KNCN: variants seen among roughly 807,000 people sequenced by gnomAD.
KNCN encodes kinocilin.
Under a neutral mutation model 10.4 loss-of-function variants are expected in KNCN, and 11 were observed. That is an observed-to-expected ratio of 1.06 (90% CI 0.67 to 1.75). KNCN has a LOEUF of 1.75. Among genes scored for constraint, KNCN ranks in the 40% most tolerant of loss-of-function variants. The pLI, the probability that KNCN is intolerant of heterozygous loss-of-function variation, is 0.00. For synonymous variants in KNCN, 67 were observed against 71.6 expected, an observed-to-expected ratio of 0.94 and a Z score of 0.33; for missense variants, 172 against 167.1, an observed-to-expected ratio of 1.03 and a Z score of -0.16.
chr1:46,549,293 C>A, intron 2 of KNCN, 26 bp from the exon 3 acceptor site: 3 of 1,561,312 alleles, frequency 1.9e-6, no homozygotes, highest in Non-Finnish European at 2.6e-6. Flanking sequence ...ACCCCAAGCC[C>A]CCTGATTACT....
At position 46,550,013 on chromosome 1, in the gene KNCN, A is replaced by T. The variant is rs1213835324; in HGVS notation, c.152-11T>A. ...CCAAGATGAGGAGCCCTGAGAAGAG[A>T]CACAGGGGGTTCTGTGATGGGGAGG... is the stretch of plus-strand genomic sequence containing the variant. On this transcript the variant is annotated splice_polypyrimidine_tract_variant and intron_variant, in intron 1 of 3. Transcript: ENST00000481882. 6.4e-7 allele frequency: 1 copy of T among 1,550,552 alleles called. No individual in the cohort carries two copies. The highest frequency in any genetic ancestry group is 1.4e-5 in the African/African-American group (1 of 73,108).
At position 46,549,781 on chromosome 1, in the gene KNCN, A is replaced by AACAC. The variant is rs34076774; in HGVS notation, c.220+149_220+152dup. 7 of 1,361,446 alleles carry AACAC rather than the reference A, an allele frequency of 5.1e-6. No individual in the cohort carries two copies. In the African/African-American group the frequency reaches 5.8e-5, roughly 11 times the overall value. 84.3% of individuals were successfully genotyped at this position (1,361,446 alleles called of 1,614,324 possible). On this transcript the variant is annotated intron_variant, in intron 2 of 3. Coordinates refer to ENST00000481882, the MANE Select transcript of KNCN (RefSeq NM_001322255.2). ...TCTGTAGTCATGGCAACGCCTGCAC[A>AACAC]ACACACACACACACAGCAGCTCTAA...
In KNCN at chr1:46,547,739, C is replaced by A; in HGVS notation, c.366G>T (p.Glu122Asp). 6.7e-7 allele frequency: 1 copy of A among 1,494,394 alleles called. No individual in the cohort carries two copies. The allele number at this position is 1,494,394 out of a possible 1,614,324, so 92.6% of individuals were successfully genotyped here. ...EKLKPGTRGAEEC is the reference protein window; with the variant it reads ...EKLKPGTRGADEC ...CCGCTCAGACTTTGCCTCAGCATTC[C>A]TCAGCCCCCCGGGTCCCCGGCTTCA... The change falls in exon 4 of 4, where the codon GAG (glutamate) becomes GAT (aspartate). Residue 122 changes from glutamate to aspartate, a missense_variant. Physicochemically the swap from Glu to Asp is conservative, Grantham distance 45. Transcript: ENST00000481882.
rs539310426 is a variant in KNCN at position 46,547,631 on chromosome 1, C to T, written c.*99G>A. 385 of 940,996 alleles carry T rather than the reference C, an allele frequency of 4.1e-4. 1 individual carries two copies. The African/African-American group carries it at 5.3e-3, about 13-fold the overall frequency. The allele number at this position is 940,996 out of a possible 1,614,324, so 58.3% of individuals were successfully genotyped here. On this transcript the variant is annotated 3_prime_UTR_variant, in exon 4 of 4. Coordinates refer to ENST00000481882, the MANE Select transcript of KNCN (RefSeq NM_001322255.2). ...CCGCTCTGGGGTCTGCAGGGCCTGG[C>T]TTGTCTCCGGTCCGGGTCTCCTAAC...
intron 2 of KNCN, among the ~76,000 whole-genome samples, chr1:46,549,527 A>G (rs41294782): frequency 3.3e-5 from 5 of 152,004 alleles, no homozygotes; most frequent in African/African-American, 9.7e-5. Context: ...GCCCCATAGG[A>G]TTGGTGGAGA....
chr1:46,551,287 T>G lies in KNCN; in HGVS notation c.-72A>C. ...AGAAAAGTCCTGGAAGTTTCTGGGC[T>G]CTTGGATGTCTCCTTGTTGGCGCTC... On this transcript the variant is annotated 5_prime_UTR_variant, in exon 1 of 4. Transcript: ENST00000481882. The surrounding 1 kb of genome is among the most constrained non-coding windows in gnomAD (Gnocchi z 4.0). 4 of 1,517,620 alleles carry G rather than the reference T, an allele frequency of 2.6e-6. No individual in the cohort carries two copies. Among genetic ancestry groups the G allele is most frequent in the Non-Finnish European group, 3.5e-6 (4 of 1,127,624 alleles). The allele number at this position is 1,517,620 out of a possible 1,614,324, so 94.0% of individuals were successfully genotyped here. A position where few individuals can be genotyped will look rare whatever the true frequency, so the allele number is the denominator to read the frequency against.
chr1:46,547,920 G>C, intron 3 of KNCN, 111 bp from the exon 4 acceptor site: 1 of 691,708 alleles, frequency 1.4e-6, no homozygotes, highest in South Asian at 2.4e-5. Context: ...GTTGACCCCA[G>C]GGCAGAGCTG....
chr1:46,551,094 C>T lies in KNCN; in HGVS notation c.122G>A (p.Gly41Asp). The T allele has an allele frequency of 6.2e-7, 1 of 1,608,790 alleles. No individual in the cohort carries two copies. The highest frequency in any genetic ancestry group is 1.1e-5 in the South Asian group (1 of 90,310). The part of the protein sequence containing the change: ...ISVSKAAAAM[G>D]GVFIGAAVLG... ...AACAGCAGCGCCAATAAAGACACCG[C>T]CCATGGCAGCTGCAGCCTTGGATAC... is the stretch of plus-strand genomic sequence containing the variant. The change falls in exon 1 of 4, where the codon GGC becomes GAC. Residue 41 changes from glycine to aspartate, a missense_variant. Physicochemically the swap from Gly to Asp is moderately conservative, Grantham distance 94. Transcript: ENST00000481882. This position sits in a 1 kb window ranked among gnomAD's most constrained non-coding sequence, Gnocchi z 4.0.
chr1:46,547,440 G>A lies in KNCN; in HGVS notation c.*290C>T, dbSNP rs1224857729. 3.1e-6 allele frequency: 2 copies of A among 647,298 alleles called. No homozygotes were observed. The highest frequency in any genetic ancestry group is 4.2e-5 in the Admixed American group (2 of 48,052). 40.1% of individuals were successfully genotyped at this position (647,298 alleles called of 1,614,324 possible). ...TAGATTGAACAGGCAACAAAGCTGA[G>A]CTGCAGTCCAGAAAGAAAGGCCAGG... On this transcript the variant is annotated 3_prime_UTR_variant, in exon 4 of 4. Transcript: ENST00000481882.
intron 3 of KNCN, among the ~76,000 whole-genome samples, chr1:46,548,491 C>T (rs1666993168): frequency 6.6e-6 from 1 of 152,164 alleles, no homozygotes; most frequent in Admixed American, 6.5e-5. Flanking sequence ...CCATTCTATC[C>T]CAGCTCTGCC....
In KNCN at chr1:46,547,024, G is replaced by A. The variant is rs986014390; in HGVS notation, c.*706C>T. On this transcript the variant is annotated 3_prime_UTR_variant, in exon 4 of 4. Transcript: ENST00000481882. ...GAAGATGGGAGGAAGAGAGAAGTCAGATCACAAAAAGCCTTGAGTGGTGGA... is the reference window on the plus strand; with the variant it reads ...GAAGATGGGAGGAAGAGAGAAGTCAAATCACAAAAAGCCTTGAGTGGTGGA... The A allele has an allele frequency of 4.7e-6, 1 of 212,190 alleles. No homozygotes were observed. 13.1% of individuals were successfully genotyped at this position (212,190 alleles called of 1,614,324 possible).
In KNCN at chr1:46,549,227, C is replaced by T. The variant is rs1557805289; in HGVS notation, c.261G>A (p.Gly87=). The change falls in exon 3 of 4, where the codon GGG becomes GGA. Residue 87 remains glycine (G), a synonymous_variant. Transcript: ENST00000481882. The part of the protein sequence containing the change: ...RIHPHPGADH[G]EGRSSTNGNK... Reference sequence around the variant, plus strand: ...TGCCATTGGTGCTGGATCTTCCTTCCCCGTGGTCTGCCCCTGGATGGGGAT... The same window carrying T: ...TGCCATTGGTGCTGGATCTTCCTTCTCCGTGGTCTGCCCCTGGATGGGGAT... 1 of 1,613,502 alleles carries T rather than the reference C, an allele frequency of 6.2e-7. No homozygotes were observed. Among genetic ancestry groups the T allele is most frequent in the Non-Finnish European group, 8.5e-7 (1 of 1,179,616 alleles).
intron 3 of KNCN, 56 bp downstream of exon 3, chr1:46,549,137 G>A: frequency 4.1e-6 from 4 of 971,712 alleles, no homozygotes; most frequent in Non-Finnish European, 5.8e-6. Context: ...GCAAAACTCT[G>A]TCTCAAAAAA....
At position 46,549,226 on chromosome 1, in the gene KNCN, C is replaced by A. The variant is rs1667015959; in HGVS notation, c.262G>T (p.Glu88Ter). The A allele has an allele frequency of 6.2e-7, 1 of 1,613,366 alleles. No homozygotes were observed. The highest frequency in any genetic ancestry group is 8.5e-7 in the Non-Finnish European group (1 of 1,179,550). Residue 88 changes from glutamate (E) to a stop codon, truncating the protein, a stop_gained, in exon 3 of 4, where the codon GAA (glutamate) becomes TAA (stop). Coordinates refer to ENST00000481882, the MANE Select transcript of KNCN (RefSeq NM_001322255.2). LOFTEE classifies it high-confidence loss of function. ...IHPHPGADHG[E>*]GRSSTNGNKE... Reference sequence around the variant, plus strand: ...TTGCCATTGGTGCTGGATCTTCCTTCCCCGTGGTCTGCCCCTGGATGGGGA... The same window carrying A: ...TTGCCATTGGTGCTGGATCTTCCTTACCCGTGGTCTGCCCCTGGATGGGGA...
intron 1 of KNCN, among the ~76,000 whole-genome samples, chr1:46,550,519 G>T (rs1027779325): frequency 7.0e-6 from 1 of 142,654 alleles, no homozygotes; most frequent in South Asian, 2.6e-4. Flanking sequence ...CCTGCCTTTG[G>T]CCTGGGCGGG....
At chr1:46,549,822 C>T (rs899440059) in intron 2 of KNCN, 112 bp downstream of exon 2, 35 of 1,527,002 alleles carry the variant, frequency 2.3e-5, no homozygotes, top group Admixed American at 9.9e-5. Flanking sequence ...ACAGCTAGCG[C>T]GGTCTCACAC....
intron 3 of KNCN, 52 bp downstream of exon 3, chr1:46,549,141 C>CAA (rs749743161): frequency 1.2e-4 from 94 of 796,922 alleles, no homozygotes; most frequent in South Asian, 3.0e-4. Context: ...AACTCTGTCT[C>CAA]AAAAAAAAAA....
rs1243432584 is a variant in KNCN at position 46,547,386 on chromosome 1, G to T, written c.*344C>A. The T allele has an allele frequency of 1.9e-6, 1 of 518,512 alleles. No homozygotes were observed. Among genetic ancestry groups the T allele is most frequent in the South Asian group, 1.5e-5 (1 of 65,062 alleles). The allele number at this position is 518,512 out of a possible 1,614,324, so 32.1% of individuals were successfully genotyped here. Reference sequence around the variant, plus strand: ...GCATCCTGGTCATAGTCAGGGCCTTGGACCCCAAATTCCAGAGAAACAAAT... The same window carrying T: ...GCATCCTGGTCATAGTCAGGGCCTTTGACCCCAAATTCCAGAGAAACAAAT... On this transcript the variant is annotated 3_prime_UTR_variant, in exon 4 of 4. Transcript: ENST00000481882.
intron 2 of KNCN, 53 bp downstream of exon 2, chr1:46,549,881 G>C: frequency 1.3e-6 from 2 of 1,550,486 alleles, no homozygotes; most frequent in South Asian, 2.4e-5. Flanking sequence ...CACACAAAGG[G>C]TCTGGAACAG....
Sources: allele counts gnomAD v4.1 joint callset (sites outside exome capture counted in the v4.1 genomes callset), GRCh38; gene constraint gnomAD v4.1.1; non-coding constraint Gnocchi (gnomAD v3.1); transcripts MANE v1.5; gene names NCBI Gene and HGNC (gene_info 2026-07-23, HGNC 2026-07-21).